Variants in RBFOX1 observed in about 807,000 individuals in gnomAD.
RBFOX1 encodes the protein RNA binding fox-1 homolog 1, also known as RNA binding protein fox-1 homolog 1.
RBFOX1 carries 8 observed loss-of-function variants against 57.7 expected under a neutral mutation model. That is an observed-to-expected ratio of 0.14 (90% confidence interval 0.08 to 0.25). The LOEUF is 0.25. RBFOX1 is among the 10% of genes least tolerant of loss of function. RBFOX1 has a pLI of 1.00. For missense variants in RBFOX1, 611 were observed against 548.5 expected (o/e 1.11, Z -1.14); for synonymous variants, 326 against 222.4 (o/e 1.47, Z -4.15).
intron 1 of RBFOX1, among the ~76,000 whole-genome samples, chr16:6,083,031 T>C (rs2096029555): frequency 6.6e-6 from 1 of 151,692 alleles, no homozygotes; most frequent in South Asian, 2.1e-4. Context: ...AGATGGAGTC[T>C]TGCTCTGTCA....
chr16:7,091,488 C>A (rs762365531), intron 4 of RBFOX1, among the ~76,000 whole-genome samples: 2 of 151,446 alleles, frequency 1.3e-5, no homozygotes, highest in East Asian at 3.9e-4. Context: ...TTATGCCAGG[C>A]GGCAGCATCT....
At chr16:7,450,995 C>G (rs1032703978) in intron 4 of RBFOX1, among the ~76,000 whole-genome samples, 5 of 152,150 alleles carry the variant, frequency 3.3e-5, no homozygotes, top group African/African-American at 1.2e-4. Context: ...AATCACTGTT[C>G]TGATTAGATA....
intron 2 of RBFOX1, among the ~76,000 whole-genome samples, chr16:5,593,030 C>A (rs1461590448): frequency 6.6e-6 from 1 of 152,106 alleles, no homozygotes; most frequent in Non-Finnish European, 1.5e-5. Context: ...AGGAAGTCAG[C>A]ACCAAATACA....
intron 4 of RBFOX1, among the ~76,000 whole-genome samples, chr16:7,182,309 G>C (rs1378763105): frequency 3.3e-5 from 5 of 151,848 alleles, no homozygotes; most frequent in African/African-American, 7.3e-5. Context: ...AGAGTCACCT[G>C]CCCCCCTGCA....
At chr16:7,463,793 C>G (rs72771188) in intron 4 of RBFOX1, among the ~76,000 whole-genome samples, 4,089 of 152,252 alleles carry the variant, frequency 0.027, 79 homozygotes, top group Non-Finnish European at 0.042. Context: ...GCTCTGATAA[C>G]GACAACAGCT....
At chr16:7,254,488 C>G (rs1416200549) in intron 4 of RBFOX1, among the ~76,000 whole-genome samples, 1 of 107,934 alleles carries the variant, frequency 9.3e-6, no homozygotes, top group South Asian at 2.9e-4. Context: ...GTTCCTGTCT[C>G]TCTCTCTCTC....
chr16:6,306,923 T>A (rs1176336053), intron 1 of RBFOX1, among the ~76,000 whole-genome samples: 2 of 152,160 alleles, frequency 1.3e-5, no homozygotes, highest in African/African-American at 4.8e-5. Flanking sequence ...AAGGAAGATA[T>A]AGCTACTTTG....
chr16:6,751,717 G>A (rs994967246), intron 3 of RBFOX1, among the ~76,000 whole-genome samples: 3 of 152,110 alleles, frequency 2.0e-5, no homozygotes. Context: ...AGCAGATAGA[G>A]CCAGAAGCGG....
intron 4 of RBFOX1, among the ~76,000 whole-genome samples, chr16:7,175,925 C>G (rs1005258107): frequency 1.3e-5 from 2 of 152,038 alleles, no homozygotes; most frequent in African/African-American, 4.8e-5. Flanking sequence ...GACACCAATT[C>G]CTCTGCTGCA....
At chr16:5,266,797 A>G (rs920212057) in intron 1 of RBFOX1, among the ~76,000 whole-genome samples, 23 of 151,978 alleles carry the variant, frequency 1.5e-4, no homozygotes, top group Non-Finnish European at 2.8e-4. Context: ...GGGCTCAAGC[A>G]ATCTGCTCAC....
chr16:5,350,154 A>G (rs981581246), intron 1 of RBFOX1, among the ~76,000 whole-genome samples: 1 of 152,146 alleles, frequency 6.6e-6, no homozygotes, highest in South Asian at 2.1e-4. Context: ...TGCATAATGT[A>G]TGTGCTTGCT....
At chr16:6,141,828 G>A (rs1347327624) in intron 1 of RBFOX1, among the ~76,000 whole-genome samples, 1 of 152,000 alleles carries the variant, frequency 6.6e-6, no homozygotes, top group Non-Finnish European at 1.5e-5. Flanking sequence ...GGAGGGTGAG[G>A]CAGGCATAAC....
At chr16:6,919,354 A>G (rs2073956712) in intron 3 of RBFOX1, among the ~76,000 whole-genome samples, 1 of 152,176 alleles carries the variant, frequency 6.6e-6, no homozygotes, top group Admixed American at 6.5e-5. Flanking sequence ...CTCCAAATTA[A>G]TTCCTCACAA....
intron 3 of RBFOX1, among the ~76,000 whole-genome samples, chr16:6,761,137 AT>A (rs1350121761): frequency 6.6e-6 from 1 of 152,228 alleles, no homozygotes; most frequent in Non-Finnish European, 1.5e-5. Context: ...AGAAATTTTC[AT>A]CATGATGACT....
chr16:6,937,402 T>A (rs1001854676), intron 3 of RBFOX1, among the ~76,000 whole-genome samples: 4 of 145,758 alleles, frequency 2.7e-5, no homozygotes, highest in Admixed American at 6.7e-5. Context: ...TAATGTAGAC[T>A]TTTTTTTTAT....
At chr16:6,897,737 G>A (rs867114918) in intron 3 of RBFOX1, among the ~76,000 whole-genome samples, 20 of 152,262 alleles carry the variant, frequency 1.3e-4, no homozygotes, top group African/African-American at 4.8e-4. Context: ...AGGTTGCAGT[G>A]TGCTGAGATC....
rs534187890 is a variant in RBFOX1, at chr16:5,946,281, A to G, written c.351+78946A>G. Reference sequence around the variant, plus strand: ...TCTAATCTGTAAAAGGGACACAATCATAGGACCTCCCTCATAGGGTTATTT... The same window carrying G: ...TCTAATCTGTAAAAGGGACACAATCGTAGGACCTCCCTCATAGGGTTATTT... On this transcript the variant is annotated intron_variant, in intron 4 of 19. Transcript: ENST00000641259. The surrounding 1 kb of genome is among the most constrained non-coding windows in gnomAD (Gnocchi z 4.6). Among the ~76,000 whole-genome samples, 1 of 152,330 alleles carries G rather than the reference A, an allele frequency of 6.6e-6. No homozygotes were observed. Among genetic ancestry groups the G allele is most frequent in the Admixed American group, 6.5e-5 (1 of 15,300 alleles).
chr16:6,518,839 C>A (rs1385654312), intron 2 of RBFOX1, among the ~76,000 whole-genome samples: 1 of 125,924 alleles, frequency 7.9e-6, no homozygotes, highest in Non-Finnish European at 1.6e-5. Context: ...ATCTATCTAT[C>A]TATCTATCTG....
At chr16:7,657,137 C>G (rs948555984) in intron 12 of RBFOX1, among the ~76,000 whole-genome samples, 2 of 152,142 alleles carry the variant, frequency 1.3e-5, no homozygotes, top group African/African-American at 2.4e-5. Flanking sequence ...TGTCCTAGGT[C>G]CATGCATGGC....
Sources: allele counts gnomAD v4.1 joint callset (sites outside exome capture counted in the v4.1 genomes callset), GRCh38; gene constraint gnomAD v4.1.1; non-coding constraint Gnocchi (gnomAD v3.1); transcripts MANE v1.5; gene names NCBI Gene and HGNC (gene_info 2026-07-23, HGNC 2026-07-21).